Variants in MIS18A observed in about 807,000 individuals in gnomAD.
MIS18A encodes MIS18 kinetochore protein A.
Under a neutral mutation model 25.0 loss-of-function variants are expected in MIS18A, and 14 were observed. The ratio of observed to expected loss-of-function variants is 0.56; its 90% CI spans 0.37 to 0.88. MIS18A has a LOEUF of 0.88. MIS18A is among the 40% of genes least tolerant of loss of function. The probability of loss-of-function intolerance (pLI) is 0.00; values close to 1 mark genes in which losing one functional copy is unlikely to be tolerated. For missense variants in MIS18A, 292 were observed against 290.8 expected, an observed-to-expected ratio of 1.00 and a Z score of -0.03; for synonymous variants, 134 against 118.6, an observed-to-expected ratio of 1.13 and a Z score of -0.84.
chr21:32,238,869 G>A, the MIS18A span, among the ~76,000 whole-genome samples: 1 of 152,132 alleles, frequency 6.6e-6, no homozygotes, highest in South Asian at 2.1e-4. Context: ...AGAAATTCCT[G>A]TTCCAATGTA....
At chr21:32,183,971 A>T in the MIS18A span, among the ~76,000 whole-genome samples, 1 of 152,232 alleles carries the variant, frequency 6.6e-6, no homozygotes, top group Non-Finnish European at 1.5e-5. Context: ...TAAGGGAAGG[A>T]CATTCATCTG....
chr21:32,188,997 A>C, the MIS18A span, among the ~76,000 whole-genome samples: 1 of 152,222 alleles, frequency 6.6e-6, no homozygotes, highest in African/African-American at 2.4e-5. Context: ...AAATTTTCTC[A>C]AGGTTGTGTT....
the MIS18A span, among the ~76,000 whole-genome samples, chr21:32,200,628 C>T: frequency 9.3e-3 from 1,407 of 152,038 alleles, 84 homozygotes; most frequent in Admixed American, 0.085. Flanking sequence ...TTAGTAGAGA[C>T]AGAGTTTCAC....
the MIS18A span, among the ~76,000 whole-genome samples, chr21:32,238,888 C>T: frequency 1.3e-5 from 2 of 152,054 alleles, no homozygotes; most frequent in Non-Finnish European, 2.9e-5. Context: ...TACAATTCGA[C>T]GTTTGTCAAA....
the MIS18A span, among the ~76,000 whole-genome samples, chr21:32,236,297 G>A: frequency 1.3e-5 from 2 of 151,942 alleles, no homozygotes; most frequent in Admixed American, 6.5e-5. Context: ...GCAGGAGAAC[G>A]GCGTGAACCC....
the MIS18A span, among the ~76,000 whole-genome samples, chr21:32,187,070 C>T: frequency 1.3e-5 from 2 of 152,262 alleles, no homozygotes; most frequent in African/African-American, 2.4e-5. Flanking sequence ...GGCAGCCTGA[C>T]ACCGGTGCAG....
the MIS18A span, among the ~76,000 whole-genome samples, chr21:32,238,903 C>T: frequency 2.7e-4 from 41 of 152,084 alleles, no homozygotes; most frequent in Admixed American, 5.9e-4. Flanking sequence ...GTCAAAGTGT[C>T]TAAATAATCA....
the MIS18A span, among the ~76,000 whole-genome samples, chr21:32,206,655 G>A: frequency 3.3e-5 from 5 of 152,146 alleles, no homozygotes; most frequent in Non-Finnish European, 7.4e-5. Flanking sequence ...GCACCGTAAC[G>A]GGAGATGGGC....
chr21:32,258,272 G>A, the MIS18A span, among the ~76,000 whole-genome samples: 1 of 152,116 alleles, frequency 6.6e-6, no homozygotes, highest in Non-Finnish European at 1.5e-5. Context: ...GGAAAATCCT[G>A]TGCAAGTGTA....
At chr21:32,269,670 T>C (rs373284579) in intron 4 of MIS18A, 37 bp downstream of exon 4, 3 of 1,284,230 alleles carry the variant, frequency 2.3e-6, no homozygotes, top group Non-Finnish European at 3.4e-6. Context: ...TGACAAACTG[T>C]TCATACAAAG....
At chr21:32,193,298 G>A in the MIS18A span, among the ~76,000 whole-genome samples, 10,776 of 152,132 alleles carry the variant, frequency 0.071, 542 homozygotes, top group South Asian at 0.16. Flanking sequence ...CATGGACAAA[G>A]GACTGTGTTC....
At chr21:32,193,466 TGATAGATAGATAGGTAGATAGATA>T in the MIS18A span, among the ~76,000 whole-genome samples, 3 of 142,458 alleles carry the variant, frequency 2.1e-5, no homozygotes, top group South Asian at 2.4e-4. Context: ...AATAGGTTGA[TGATAGATAGATAGGTAGATAGATA>T]GATAGATAGA....
At chr21:32,201,135 GA>G in the MIS18A span, among the ~76,000 whole-genome samples, 1 of 152,096 alleles carries the variant, frequency 6.6e-6, no homozygotes, top group Admixed American at 6.5e-5. Flanking sequence ...GTGAGAGAGG[GA>G]GAAAGAAAGA....
At chr21:32,158,500 G>C in the MIS18A span, among the ~76,000 whole-genome samples, 30 of 149,392 alleles carry the variant, frequency 2.0e-4, no homozygotes, top group Admixed American at 1.5e-3. Context: ...TTGAGACAGA[G>C]TTTTGCTCCT....
intron 3 of MIS18A, 66 bp downstream of exon 3, chr21:32,270,341 G>C (rs900677939): frequency 6.4e-7 from 1 of 1,567,580 alleles, no homozygotes; most frequent in East Asian, 2.3e-5. Context: ...ATTTAGTTCT[G>C]ACAATTCCGT....
the MIS18A span, among the ~76,000 whole-genome samples, chr21:32,182,838 G>A: frequency 6.6e-6 from 1 of 152,258 alleles, no homozygotes; most frequent in Admixed American, 6.5e-5. Flanking sequence ...TTATTATTCT[G>A]TTCTAGCAAA....
the MIS18A span, among the ~76,000 whole-genome samples, chr21:32,257,844 G>A: frequency 5.9e-5 from 9 of 152,168 alleles, no homozygotes; most frequent in African/African-American, 2.2e-4. Flanking sequence ...TAATGCACGA[G>A]TATTTTTTTA....
chr21:32,230,103 T>C, the MIS18A span, among the ~76,000 whole-genome samples: 1 of 152,200 alleles, frequency 6.6e-6, no homozygotes, highest in Non-Finnish European at 1.5e-5. Flanking sequence ...ACTTCCAAAG[T>C]TCCAGATAGG....
At chr21:32,247,047 G>T in the MIS18A span, among the ~76,000 whole-genome samples, 4 of 152,148 alleles carry the variant, frequency 2.6e-5, no homozygotes, top group African/African-American at 9.7e-5. Context: ...AAGCATGAAG[G>T]CTTTCCCAGC....
Sources: gnomAD v4.1 joint callset for allele counts (sites outside exome capture counted in the v4.1 genomes callset) on GRCh38, gnomAD v4.1.1 for gene constraint, MANE v1.5 for transcripts, NCBI Gene and HGNC (gene_info 2026-07-23, HGNC 2026-07-21) for gene names.